The following UST variants were observed in gnomAD, a reference collection of about 807,000 sequenced individuals.
UST encodes chondroitin sulfate 2-O-sulfotransferase.
Under a neutral mutation model 45.6 loss-of-function variants are expected in UST, and 21 were observed. The observed-to-expected ratio is 0.46, with a 90% confidence interval of 0.33 to 0.66. The LOEUF is 0.66. Among genes scored for constraint, UST ranks in the 30% least tolerant of loss-of-function variants. UST has a pLI of 0.02. For synonymous variants in UST, 215 were observed against 200.6 expected (o/e 1.07, Z -0.61); for missense variants, 463 against 512.4 (o/e 0.90, Z 0.93).
intron 5 of UST, among the ~76,000 whole-genome samples, chr6:148,967,518 C>T (rs1037981492): frequency 2.6e-5 from 4 of 152,162 alleles, no homozygotes; most frequent in African/African-American, 9.7e-5. Context: ...TCCCATTAGA[C>T]CCTTGAAATA....
chr6:148,925,208 A>G (rs1479496685), intron 2 of UST, among the ~76,000 whole-genome samples: 3 of 152,164 alleles, frequency 2.0e-5, no homozygotes, highest in Admixed American at 6.5e-5. Context: ...TTGCCCCCAT[A>G]AAAAAGTCCA....
At chr6:149,029,286 T>A (rs1359487413) in intron 7 of UST, among the ~76,000 whole-genome samples, 1 of 149,508 alleles carries the variant, frequency 6.7e-6, no homozygotes, top group South Asian at 2.1e-4. Context: ...AGTATATACA[T>A]GTATATCTAA....
rs1438687694 is a variant in UST at position 148,785,253 on chromosome 6, A to G, written c.247+37576A>G. On this transcript the variant is annotated intron_variant, in intron 1 of 7. Coordinates refer to ENST00000367463, the MANE Select transcript of UST (RefSeq NM_005715.3). ...TTTAGGCATTAAGATGCTATAGACC[A>G]TTATCTTTTATAGTCTGTGTCACAC... Among the ~76,000 whole-genome samples, 5 of 152,000 alleles carry G rather than the reference A, an allele frequency of 3.3e-5. No individual in the cohort carries two copies. The East Asian group carries it at 9.6e-4, about 29-fold the overall frequency.
intron 1 of UST, among the ~76,000 whole-genome samples, chr6:148,784,689 G>A (rs1015237971): frequency 2.6e-5 from 4 of 152,198 alleles, no homozygotes; most frequent in East Asian, 1.9e-4. Flanking sequence ...CAGTGCCTGC[G>A]ATATGATAAA....
chr6:148,776,493 G>A (rs1776537753), intron 1 of UST, among the ~76,000 whole-genome samples: 1 of 152,160 alleles, frequency 6.6e-6, no homozygotes, highest in South Asian at 2.1e-4. Flanking sequence ...TTTTCTGCAC[G>A]TGGTGAGTTT....
intron 2 of UST, among the ~76,000 whole-genome samples, chr6:148,895,760 A>C (rs1202791916): frequency 6.6e-6 from 1 of 152,184 alleles, no homozygotes; most frequent in Non-Finnish European, 1.5e-5. Flanking sequence ...ACCTTCAGCC[A>C]TGATCGTGAG....
intron 1 of UST, among the ~76,000 whole-genome samples, chr6:148,833,373 G>C (rs1469121340): frequency 6.6e-6 from 1 of 152,146 alleles, no homozygotes; most frequent in East Asian, 1.9e-4. Context: ...TGTGATCCCA[G>C]CTACTTGGGA....
chr6:148,867,897 G>C (rs1006462405), intron 1 of UST, among the ~76,000 whole-genome samples: 1 of 152,212 alleles, frequency 6.6e-6, no homozygotes, highest in African/African-American at 2.4e-5. Flanking sequence ...GCTTGTTGCT[G>C]TAAGGGATCT....
At chr6:149,019,794 C>T (rs563103092) in intron 6 of UST, among the ~76,000 whole-genome samples, 1 of 152,348 alleles carries the variant, frequency 6.6e-6, no homozygotes. Flanking sequence ...TAGAGAGTGA[C>T]TTACTCAGAT....
At chr6:148,803,322 G>A (rs1777085595) in intron 1 of UST, among the ~76,000 whole-genome samples, 1 of 152,068 alleles carries the variant, frequency 6.6e-6, no homozygotes, top group Non-Finnish European at 1.5e-5. Flanking sequence ...TTGATTCTCG[G>A]TTCTTACCAT....
At chr6:149,024,854 A>C (rs1196476335) in intron 7 of UST, among the ~76,000 whole-genome samples, 1 of 152,156 alleles carries the variant, frequency 6.6e-6, no homozygotes, top group Non-Finnish European at 1.5e-5. Flanking sequence ...CCCTTAACTC[A>C]TTGTAGATTA....
chr6:148,966,230 T>TAAC (rs1780794349), intron 5 of UST, among the ~76,000 whole-genome samples: 1 of 116,502 alleles, frequency 8.6e-6, no homozygotes, highest in Non-Finnish European at 1.7e-5. Flanking sequence ...TCTCAAAAAA[T>TAAC]AATAATAATA....
chr6:148,840,884 C>T (rs1012859551), intron 1 of UST, among the ~76,000 whole-genome samples: 6 of 152,132 alleles, frequency 3.9e-5, no homozygotes, highest in Non-Finnish European at 2.9e-5. Flanking sequence ...GCGTTCACTG[C>T]GTCTTCCCCT....
intron 1 of UST, among the ~76,000 whole-genome samples, chr6:148,842,349 C>A (rs1777906715): frequency 1.3e-5 from 2 of 152,190 alleles, no homozygotes; most frequent in Non-Finnish European, 2.9e-5. Context: ...GTCAGATGGT[C>A]ATATGCACAC....
chr6:148,965,669 T>G (rs763123061), intron 5 of UST, among the ~76,000 whole-genome samples: 1 of 152,144 alleles, frequency 6.6e-6, no homozygotes, highest in Non-Finnish European at 1.5e-5. Context: ...CACGTTCATG[T>G]TTTCAAATCC....
intron 1 of UST, among the ~76,000 whole-genome samples, chr6:148,802,559 T>A (rs947325502): frequency 6.6e-6 from 1 of 152,224 alleles, no homozygotes; most frequent in African/African-American, 2.4e-5. Context: ...AAGTCACACA[T>A]TGATTTCATT....
intron 2 of UST, among the ~76,000 whole-genome samples, chr6:148,910,043 G>A (rs1203062036): frequency 6.6e-6 from 1 of 151,380 alleles, no homozygotes; most frequent in Non-Finnish European, 1.5e-5. Context: ...CTTGTTATTG[G>A]AACTTAGCAT....
rs1390310647 is a variant in UST at position 148,747,263 on chromosome 6, C to G, written c.-168C>G. The G allele has an allele frequency of 1.8e-5, 14 of 765,540 alleles. No homozygotes were observed. Among genetic ancestry groups the G allele is most frequent in the Middle Eastern group, 4.3e-4 (1 of 2,352 alleles). 47.4% of individuals were successfully genotyped at this position (765,540 alleles called of 1,614,324 possible). ...CGGGCCGCGGCGGCGGGGACCATGC[C>G]GAAGAAAGTCTCCTGAGCCCGGCAA... On this transcript the variant is annotated 5_prime_UTR_variant, in exon 1 of 8. Transcript: ENST00000367463.
At chr6:148,891,614 C>CTG (rs67215998) in intron 2 of UST, among the ~76,000 whole-genome samples, 31,950 of 151,968 alleles carry the variant, frequency 0.21, 4,063 homozygotes, top group African/African-American at 0.35. Context: ...CAGCCCAGGG[C>CTG]TGTGTATAGC....
Sources: allele counts gnomAD v4.1 joint callset (sites outside exome capture counted in the v4.1 genomes callset), GRCh38; gene constraint gnomAD v4.1.1; transcripts MANE v1.5; gene names NCBI Gene and HGNC (gene_info 2026-07-23, HGNC 2026-07-21).